The following CIT variants were observed in gnomAD, a reference collection of about 807,000 sequenced individuals.
CIT encodes the protein citron rho-interacting serine/threonine kinase.
CIT carries 79 observed loss-of-function variants against 272.7 expected under a neutral mutation model. The observed-to-expected ratio is 0.29, with a 90% CI of 0.24 to 0.35. The LOEUF (loss-of-function observed/expected upper bound fraction) is 0.35, where lower values mean the gene tolerates loss of function less well. Among genes scored for constraint, CIT ranks in the 10% least tolerant of loss-of-function variants. The pLI is 1.00. For missense variants in CIT, 1,909 were observed against 2,618.3 expected, an observed-to-expected ratio of 0.73 and a Z score of 5.91; for synonymous variants, 948 against 995.6, an observed-to-expected ratio of 0.95 and a Z score of 0.90.
Position 119,718,094 on chromosome 12 carries a change from C to A in CIT, c.4168+151G>T, listed in dbSNP as rs1425755437. 1 of 843,608 alleles carries A rather than the reference C, an allele frequency of 1.2e-6. No homozygotes were observed. The allele number at this position is 843,608 out of a possible 1,614,324, so 52.3% of individuals were successfully genotyped here. On this transcript the variant is annotated intron_variant, in intron 32 of 47. Transcript: ENST00000392521. This position sits in a 1 kb window ranked among gnomAD's most constrained non-coding sequence, Gnocchi z 4.8. ...ACTTCAGGTGATCCGCCCACCTCGG[C>A]CTCCCAAAGTGCTGGGGTTACAGGT...
chr12:119,814,899 G>A (rs990224478), intron 9 of CIT, among the ~76,000 whole-genome samples: 4 of 151,968 alleles, frequency 2.6e-5, no homozygotes, highest in Non-Finnish European at 4.4e-5. Flanking sequence ...TTAGCCAGGC[G>A]TGGTGGCGCA....
intron 40 of CIT, among the ~76,000 whole-genome samples, chr12:119,705,701 G>A (rs1423069214): frequency 2.7e-5 from 4 of 148,268 alleles, no homozygotes; most frequent in Non-Finnish European, 4.4e-5. Context: ...GAACCTGGGA[G>A]GCAGAGGCTG....
intron 41 of CIT, among the ~76,000 whole-genome samples, chr12:119,703,952 G>T (rs902874031): frequency 6.6e-6 from 1 of 152,174 alleles, no homozygotes; most frequent in African/African-American, 2.4e-5. Context: ...ACTGGTTATT[G>T]CAGAAGGTTA....
chr12:119,763,421 G>A (rs541229083), intron 19 of CIT, among the ~76,000 whole-genome samples: 9 of 151,120 alleles, frequency 6.0e-5, no homozygotes, highest in South Asian at 2.1e-4. Flanking sequence ...TGAGAAGGGC[G>A]TCTCACTTTG....
At chr12:119,733,232 GA>G (rs566790161) in intron 26 of CIT, among the ~76,000 whole-genome samples, 72 of 134,286 alleles carry the variant, frequency 5.4e-4, no homozygotes, top group East Asian at 1.3e-3. Context: ...TAAGAAAGGA[GA>G]AAAAAAAAAA....
chr12:119,754,747 G>A (rs1960720433), intron 22 of CIT, among the ~76,000 whole-genome samples: 1 of 152,206 alleles, frequency 6.6e-6, no homozygotes, highest in African/African-American at 2.4e-5. Flanking sequence ...CTCCCAGGGA[G>A]AATATAGAGC....
At chr12:119,789,578 A>C (rs804716) in intron 10 of CIT, among the ~76,000 whole-genome samples, 67,919 of 152,138 alleles carry the variant, frequency 0.45, 15,687 homozygotes, top group Admixed American at 0.56. Flanking sequence ...AGACATGGGG[A>C]AATTCAATCT....
At chr12:119,711,146 C>G in intron 37 of CIT, 2 of 1,342,682 alleles carry the variant, frequency 1.5e-6, no homozygotes, top group Admixed American at 3.8e-5. Flanking sequence ...TGTGAAACGA[C>G]CAACAAGTCA....
intron 9 of CIT, among the ~76,000 whole-genome samples, chr12:119,814,068 C>T (rs1386012692): frequency 6.6e-6 from 1 of 152,068 alleles, no homozygotes; most frequent in Non-Finnish European, 1.5e-5. Context: ...ACTTTATTTC[C>T]CTATCCTCAT....
At chr12:119,812,101 A>G (rs1281141391) in intron 9 of CIT, among the ~76,000 whole-genome samples, 1 of 151,998 alleles carries the variant, frequency 6.6e-6, no homozygotes, top group Admixed American at 6.6e-5. Context: ...ACCTGCCACC[A>G]TGCCTGGATA....
Position 119,701,741 on chromosome 12 carries a change from T to C in CIT, c.5425A>G (p.Lys1809Glu), listed in dbSNP as rs1245448122. The C allele has an allele frequency of 1.2e-6, 2 of 1,614,116 alleles. No homozygotes were observed. Among genetic ancestry groups the C allele is most frequent in the Non-Finnish European group, 1.7e-6 (2 of 1,180,048 alleles). ...KQYTLEEFLD[K>E]NDHSLAPAVF... ...GCAGGTGCCAAGGAATGGTCATTCT[T>C]ATCCAGGAATTCTGTAAAGGCAGGC... The change falls in exon 43 of 48, where the codon AAG (lysine) becomes GAG (glutamate). Residue 1809 changes from lysine (K) to glutamate (E), a missense_variant. Physicochemically the swap from Lys to Glu is moderately conservative, Grantham distance 56 (BLOSUM62 1). Transcript: ENST00000392521.
chr12:119,709,992 G>C (rs569535602), intron 39 of CIT, among the ~76,000 whole-genome samples: 2 of 152,112 alleles, frequency 1.3e-5, no homozygotes, highest in Non-Finnish European at 2.9e-5. Context: ...GATAGTCTTC[G>C]AGGCTTAGCA....
chr12:119,724,214 C>T (rs772787477), intron 28 of CIT, among the ~76,000 whole-genome samples: 1 of 152,126 alleles, frequency 6.6e-6, no homozygotes, highest in Admixed American at 6.6e-5. Flanking sequence ...AACTAGTTAT[C>T]TCCCAGGAAC....
At chr12:119,849,000 A>G (rs1189586167) in intron 5 of CIT, among the ~76,000 whole-genome samples, 1 of 152,018 alleles carries the variant, frequency 6.6e-6, no homozygotes, top group Non-Finnish European at 1.5e-5. Flanking sequence ...GCAAAGTGAG[A>G]CCTGGTCTCA....
intron 5 of CIT, among the ~76,000 whole-genome samples, chr12:119,843,767 G>A (rs1378682746): frequency 2.0e-5 from 3 of 151,872 alleles, no homozygotes; most frequent in East Asian, 2.0e-4. Context: ...CCAAGATCGC[G>A]CCACTGCACT....
At position 119,772,845 on chromosome 12, in the gene CIT, G is replaced by T. The variant is rs112550001; in HGVS notation, c.2007C>A (p.Ala669=). 6.2e-7 allele frequency: 1 copy of T among 1,613,850 alleles called. No homozygotes were observed. The highest frequency in any genetic ancestry group is 2.2e-5 in the East Asian group (1 of 44,876). ...LQNIRQAKER[A]ERELEKLQNR... ...TCTGCAGCTTCTCCAGCTCCCTCTC[G>T]GCTCGCTCCTTTGCCTGGCGGATAT... Residue 669 remains alanine, a synonymous_variant, in exon 17 of 48, where the codon GCC becomes GCA. Coordinates refer to ENST00000392521, the MANE Select transcript of CIT (RefSeq NM_001206999.2).
intron 7 of CIT, among the ~76,000 whole-genome samples, chr12:119,830,308 C>A (rs1321099348): frequency 6.6e-6 from 1 of 151,438 alleles, no homozygotes; most frequent in Non-Finnish European, 1.5e-5. Context: ...TGTAAATAAA[C>A]CTGGGAGGCT....
In CIT at chr12:119,718,802, G is replaced by A. The variant is rs779108131; in HGVS notation, c.3900C>T (p.Tyr1300=). 6 of 1,614,150 alleles carry A rather than the reference G, an allele frequency of 3.7e-6. No individual in the cohort carries two copies. The highest frequency in any genetic ancestry group is 5.1e-6 in the Non-Finnish European group (6 of 1,180,022). ...PALPTQVPLQ[Y]NELKLALEKE... ...TCTCCAGGGCCAGCTTCAGCTCATT[G>A]TACTGCAGAGGAACCTGTGTGGGTA... Residue 1300 remains tyrosine (Y), a synonymous_variant, in exon 31 of 48, where the codon TAC becomes TAT. Transcript: ENST00000392521. The surrounding 1 kb of genome is among the most constrained non-coding windows in gnomAD (Gnocchi z 4.8).
chr12:119,742,775 T>A, intron 23 of CIT: 1 of 240,624 alleles, frequency 4.2e-6, no homozygotes, highest in Non-Finnish European at 8.1e-6. Context: ...AAGGATGAAG[T>A]TTTACTCTCC....
Sources: gnomAD v4.1 joint callset for allele counts (sites outside exome capture counted in the v4.1 genomes callset) on GRCh38, gnomAD v4.1.1 for gene constraint, Gnocchi (gnomAD v3.1) non-coding constraint, MANE v1.5 for transcripts, NCBI Gene and HGNC (gene_info 2026-07-23, HGNC 2026-07-21) for gene names.